Variants in TNNI3K observed in about 807,000 individuals in gnomAD.
TNNI3K encodes TNNI3 interacting kinase, also known as serine/threonine-protein kinase TNNI3K.
A neutral mutation model predicts 114.5 loss-of-function variants in TNNI3K; 140 were observed. That is an observed-to-expected ratio of 1.22 (90% CI 1.07 to 1.41). The LOEUF (loss-of-function observed/expected upper bound fraction) is 1.41, where lower values mean the gene tolerates loss of function less well. TNNI3K is among the 40% of genes most tolerant of loss of function. The pLI is 0.00. For missense variants in TNNI3K, 1,125 were observed against 1,007.6 expected, an observed-to-expected ratio of 1.12 and a Z score of -1.58; for synonymous variants, 347 against 347.5, an observed-to-expected ratio of 1.00 and a Z score of 0.02.
At chr1:74,258,935 T>C (rs781011180) in intron 4 of TNNI3K, among the ~76,000 whole-genome samples, 4 of 152,234 alleles carry the variant, frequency 2.6e-5, no homozygotes, top group Non-Finnish European at 4.4e-5. Context: ...GGAATTTTGA[T>C]GTAAACAATC....
rs142828512 is a variant in TNNI3K at position 74,520,820 on chromosome 1, G to A, written c.2352-19414G>A. Reference sequence around the variant, plus strand: ...GGTTGCAGCTGGGGTGGGTGTAACAGGGCTAAGAAGCCCCTTATGAAATTT... The same window carrying A: ...GGTTGCAGCTGGGGTGGGTGTAACAAGGCTAAGAAGCCCCTTATGAAATTT... On this transcript the variant is annotated intron_variant, in intron 23 of 24. Coordinates refer to ENST00000326637, the MANE Select transcript of TNNI3K (RefSeq NM_015978.3). Among the ~76,000 whole-genome samples the A allele has an allele frequency of 4.0e-3, 603 of 152,196 alleles. 5 individuals carry two copies. Among genetic ancestry groups the A allele is most frequent in the Middle Eastern group, 0.014 (4 of 294 alleles).
At chr1:74,423,011 G>T (rs1665472415) in intron 17 of TNNI3K, among the ~76,000 whole-genome samples, 1 of 152,102 alleles carries the variant, frequency 6.6e-6, no homozygotes, top group Admixed American at 6.6e-5. Context: ...ACATCATCAT[G>T]AAATATGCAT....
chr1:74,341,476 G>C (rs1570488295), intron 7 of TNNI3K: 1 of 151,764 alleles, frequency 6.6e-6, no homozygotes, highest in South Asian at 2.1e-4. Context: ...ACCTCCAACA[G>C]TAGCTTAATG....
chr1:74,513,705 T>C (rs910743535), intron 23 of TNNI3K, among the ~76,000 whole-genome samples: 2 of 152,208 alleles, frequency 1.3e-5, no homozygotes, highest in Non-Finnish European at 2.9e-5. Context: ...AAAAGCTAGA[T>C]TGATGAGCAT....
At chr1:74,442,584 AT>A (rs2100675902) in intron 20 of TNNI3K, among the ~76,000 whole-genome samples, 1 of 152,252 alleles carries the variant, frequency 6.6e-6, no homozygotes, top group African/African-American at 2.4e-5. Context: ...CTTCTGCTCA[AT>A]AAACATGGTT....
At chr1:74,414,654 A>G (rs557307343) in intron 17 of TNNI3K, among the ~76,000 whole-genome samples, 1 of 152,350 alleles carries the variant, frequency 6.6e-6, no homozygotes, top group Non-Finnish European at 1.5e-5. Context: ...TTCTGTCATC[A>G]TTGAACTTGA....
intron 11 of TNNI3K, among the ~76,000 whole-genome samples, chr1:74,356,491 A>G (rs1661664979): frequency 6.6e-6 from 1 of 152,202 alleles, no homozygotes; most frequent in Non-Finnish European, 1.5e-5. Context: ...AGGCCTTACT[A>G]AATTCTACCT....
At chr1:74,306,153 A>G (rs1264026395) in intron 5 of TNNI3K, among the ~76,000 whole-genome samples, 1 of 152,322 alleles carries the variant, frequency 6.6e-6, no homozygotes, top group East Asian at 1.9e-4. Flanking sequence ...TAATTCACTT[A>G]ACACTTAATT....
chr1:74,421,050 G>T (rs1327883070), intron 17 of TNNI3K, among the ~76,000 whole-genome samples: 1 of 152,032 alleles, frequency 6.6e-6, no homozygotes, highest in African/African-American at 2.4e-5. Context: ...AGGAATAAGT[G>T]GGTTTAAAAA....
intron 20 of TNNI3K, among the ~76,000 whole-genome samples, chr1:74,461,731 C>T (rs1237557313): frequency 1.3e-5 from 2 of 152,144 alleles, no homozygotes; most frequent in African/African-American, 4.8e-5. Context: ...TTTAGTACAA[C>T]TGTTAGAATA....
At chr1:74,315,458 A>G (rs1269725872) in intron 5 of TNNI3K, among the ~76,000 whole-genome samples, 15 of 152,236 alleles carry the variant, frequency 9.9e-5, no homozygotes, top group Admixed American at 9.2e-4. Context: ...GTATATTACA[A>G]TGTCAGAGAA....
chr1:74,445,659 G>A (rs2100683632), intron 20 of TNNI3K, among the ~76,000 whole-genome samples: 1 of 140,478 alleles, frequency 7.1e-6, no homozygotes, highest in South Asian at 2.2e-4. Context: ...CGCCCAGGCT[G>A]GAGTGCAGTG....
chr1:74,428,761 C>G (rs573911649), intron 17 of TNNI3K, among the ~76,000 whole-genome samples: 1 of 152,122 alleles, frequency 6.6e-6, no homozygotes, highest in Admixed American at 6.5e-5. Flanking sequence ...GTATTGAGAT[C>G]TCATTTCTGC....
chr1:74,319,109 A>T (rs1659471404), intron 5 of TNNI3K, among the ~76,000 whole-genome samples: 2 of 152,206 alleles, frequency 1.3e-5, no homozygotes, highest in Admixed American at 1.3e-4. Context: ...CTCTCAGAAG[A>T]CTGCAGTAAA....
intron 21 of TNNI3K, among the ~76,000 whole-genome samples, chr1:74,479,417 C>A (rs969600541): frequency 1.1e-4 from 17 of 152,128 alleles, no homozygotes; most frequent in Non-Finnish European, 2.5e-4. Flanking sequence ...CTTAGTTGGT[C>A]TGGGGAAGTA....
rs77381489 is a variant in TNNI3K at position 74,314,452 on chromosome 1, T to A, written c.445-16998T>A. On this transcript the variant is annotated intron_variant, in intron 5 of 24. Coordinates refer to ENST00000326637, the MANE Select transcript of TNNI3K (RefSeq NM_015978.3). ...CTCATTTGCATATTATTGATCTGCT[T>A]AAAAATTTGACTAATTTACTTCTCT... 6.3e-3 allele frequency among the ~76,000 whole-genome samples: 959 copies of A among 152,212 alleles called. 9 individuals carry two copies. Among genetic ancestry groups the A allele is most frequent in the African/African-American group, 0.022 (914 of 41,534 alleles).
chr1:74,371,023 A>G (rs1310367006), intron 17 of TNNI3K: 2 of 151,832 alleles, frequency 1.3e-5, no homozygotes, highest in Non-Finnish European at 2.9e-5. Context: ...TTTACTTCCC[A>G]TTTCCCACTG....
intron 21 of TNNI3K, among the ~76,000 whole-genome samples, chr1:74,475,116 C>CCACACACACACACACA (rs3058791): frequency 2.3e-4 from 31 of 135,992 alleles, no homozygotes; most frequent in East Asian, 1.8e-3. Context: ...CCACCTCAGC[C>CCACACACACACACACA]CACACACACA....
At chr1:74,413,306 A>G (rs1202106744) in intron 17 of TNNI3K, among the ~76,000 whole-genome samples, 1 of 152,202 alleles carries the variant, frequency 6.6e-6, no homozygotes, top group Non-Finnish European at 1.5e-5. Context: ...ACAACATTAA[A>G]TATAATTTAT....
Sources: gnomAD v4.1 joint callset for allele counts (sites outside exome capture counted in the v4.1 genomes callset) on GRCh38, gnomAD v4.1.1 for gene constraint, MANE v1.5 for transcripts, NCBI Gene and HGNC (gene_info 2026-07-23, HGNC 2026-07-21) for gene names.